Variants in UBE2R2 observed in about 807,000 individuals in gnomAD.
UBE2R2 encodes ubiquitin conjugating enzyme E2 R2.
Under a neutral mutation model 27.8 loss-of-function variants are expected in UBE2R2, and 1 was observed. That is an observed-to-expected ratio of 0.04 (90% CI 0.01 to 0.17). UBE2R2 has a LOEUF of 0.17. Among genes scored for constraint, UBE2R2 ranks in the 10% least tolerant of loss-of-function variants. The pLI is 1.00. For missense variants in UBE2R2, 100 were observed against 291.0 expected, an observed-to-expected ratio of 0.34 and a Z score of 4.78; for synonymous variants, 106 against 113.3, an observed-to-expected ratio of 0.94 and a Z score of 0.41.
At chr9:33,893,911 G>T (rs1440516639) in intron 2 of UBE2R2, among the ~76,000 whole-genome samples, 3 of 152,156 alleles carry the variant, frequency 2.0e-5, no homozygotes, top group African/African-American at 7.2e-5. Context: ...GATTACAGGT[G>T]TGAGCCACTG....
At position 33,917,164 on chromosome 9, in the gene UBE2R2, T is replaced by C; in HGVS notation, c.644T>C (p.Ile215Thr). Residue 215 changes from isoleucine to threonine, a missense_variant, in exon 5 of 5, where the codon ATT becomes ACT. By Grantham distance (89) the Ile-to-Thr change is moderately conservative. Coordinates refer to ENST00000263228, the MANE Select transcript of UBE2R2 (RefSeq NM_017811.4). ...LLYDDLYDDD[I>T]DDEDEEEEDA... ...TACGACGACTTGTATGATGACGACA[T>C]TGATGATGAAGATGAGGAGGAGGAA... 1 of 1,614,076 alleles carries C rather than the reference T, an allele frequency of 6.2e-7. No individual in the cohort carries two copies. Among genetic ancestry groups the C allele is most frequent in the Non-Finnish European group, 8.5e-7 (1 of 1,180,012 alleles).
chr9:33,834,281 A>G (rs1039432111), intron 1 of UBE2R2, among the ~76,000 whole-genome samples: 1 of 150,458 alleles, frequency 6.6e-6, no homozygotes, highest in South Asian at 2.1e-4. Context: ...GCTCACTGCA[A>G]CCTCCGTCTC....
intron 2 of UBE2R2, among the ~76,000 whole-genome samples, chr9:33,887,708 G>C (rs1431316801): frequency 1.3e-5 from 2 of 152,128 alleles, no homozygotes; most frequent in East Asian, 3.9e-4. Context: ...GTCTCGCTCT[G>C]TAGCCCAGGC....
chr9:33,859,799 T>TGTGTGTGAGAGA (rs766779268), intron 1 of UBE2R2, among the ~76,000 whole-genome samples: 3 of 86,586 alleles, frequency 3.5e-5, no homozygotes, highest in South Asian at 4.6e-4. Context: ...TGTGTGTGTG[T>TGTGTGTGAGAGA]GAGAGAGAGA....
upstream of UBE2R2, among the ~76,000 whole-genome samples, chr9:33,816,926 G>A (rs1282374730): frequency 1.3e-5 from 2 of 152,214 alleles, no homozygotes; most frequent in Admixed American, 6.5e-5. Flanking sequence ...CTGCTTCTGG[G>A]ATCTTTATGG....
At chr9:33,850,347 T>C (rs1820938230) in intron 1 of UBE2R2, among the ~76,000 whole-genome samples, 1 of 152,164 alleles carries the variant, frequency 6.6e-6, no homozygotes, top group Admixed American at 6.6e-5. Flanking sequence ...GTGTTTAAAG[T>C]GGCAGCAACT....
chr9:33,841,970 A>G lies in UBE2R2; in HGVS notation c.177+24036A>G, dbSNP rs149652487. On this transcript the variant is annotated intron_variant, in intron 1 of 4. Coordinates refer to ENST00000263228, the MANE Select transcript of UBE2R2 (RefSeq NM_017811.4). ...TCTATCTTGTCAGATTATTCATTACATGCAATATTCTCTTTCAACCTTAAT... is the reference window on the plus strand; with the variant it reads ...TCTATCTTGTCAGATTATTCATTACGTGCAATATTCTCTTTCAACCTTAAT... Among the ~76,000 whole-genome samples the G allele has an allele frequency of 2.4e-3, 363 of 152,312 alleles. 1 individual carries two copies. Among genetic ancestry groups the G allele is most frequent in the Non-Finnish European group, 3.1e-3 (214 of 68,030 alleles).
At chr9:33,874,522 A>G (rs1292358577) in intron 1 of UBE2R2, among the ~76,000 whole-genome samples, 3 of 152,096 alleles carry the variant, frequency 2.0e-5, no homozygotes, top group Admixed American at 2.0e-4. Flanking sequence ...AAATATATAC[A>G]TAATGCATAT....
intron 1 of UBE2R2, among the ~76,000 whole-genome samples, chr9:33,853,843 C>T (rs371868623): frequency 2.7e-5 from 4 of 147,062 alleles, no homozygotes; most frequent in Non-Finnish European, 5.9e-5. Context: ...TTGGCACGTG[C>T]CACCACACCT....
intron 4 of UBE2R2, among the ~76,000 whole-genome samples, chr9:33,915,351 C>T (rs1182139896): frequency 6.6e-6 from 1 of 152,156 alleles, no homozygotes; most frequent in Non-Finnish European, 1.5e-5. Context: ...CAGTCTACCT[C>T]TGCATATGGA....
chr9:33,822,134 C>G (rs891800774), intron 1 of UBE2R2, among the ~76,000 whole-genome samples: 1 of 150,866 alleles, frequency 6.6e-6, no homozygotes, highest in Non-Finnish European at 1.5e-5. Flanking sequence ...TCTTATTGCC[C>G]AGGCTGGAGT....
chr9:33,858,756 C>G (rs1821160694), intron 1 of UBE2R2, among the ~76,000 whole-genome samples: 1 of 152,128 alleles, frequency 6.6e-6, no homozygotes, highest in Non-Finnish European at 1.5e-5. Flanking sequence ...GCATTCTACT[C>G]TAGGACTATG....
chr9:33,893,621 T>A (rs1222042152), intron 2 of UBE2R2, among the ~76,000 whole-genome samples: 2 of 152,110 alleles, frequency 1.3e-5, no homozygotes, highest in South Asian at 2.1e-4. Context: ...ATTCTATGTT[T>A]AACTTTTTAT....
At chr9:33,859,997 A>G (rs958952303) in intron 1 of UBE2R2, among the ~76,000 whole-genome samples, 2 of 151,960 alleles carry the variant, frequency 1.3e-5, no homozygotes, top group Non-Finnish European at 2.9e-5. Flanking sequence ...TATAAAGACA[A>G]GGTCTCCCTG....
intron 1 of UBE2R2, among the ~76,000 whole-genome samples, chr9:33,874,348 A>G (rs776146628): frequency 1.3e-5 from 2 of 152,156 alleles, no homozygotes; most frequent in African/African-American, 4.8e-5. Flanking sequence ...AAGATTCACA[A>G]GTGAAAAATC....
Position 33,917,717 on chromosome 9 carries a change from A to AAAG in UBE2R2, c.*480_*481insAAG. 2 of 181,506 alleles carry AAAG rather than the reference A, an allele frequency of 1.1e-5. No homozygotes were observed. Among genetic ancestry groups the AAAG allele is most frequent in the Non-Finnish European group, 2.3e-5 (2 of 86,858 alleles). The allele number at this position is 181,506 out of a possible 1,614,324, so 11.2% of individuals were successfully genotyped here. A position where few individuals can be genotyped will look rare whatever the true frequency, so the allele number is the denominator to read the frequency against. ...AAACAAACTTTAAAAAAAAAAAAAA[A>AAAG]CAAATTTGCCAAGGTTTAGCTGCTC... On this transcript the variant is annotated 3_prime_UTR_variant, in exon 5 of 5. Transcript: ENST00000263228.
chr9:33,909,265 A>G (rs2130818650), intron 3 of UBE2R2, among the ~76,000 whole-genome samples: 1 of 152,102 alleles, frequency 6.6e-6, no homozygotes, highest in African/African-American at 2.4e-5. Flanking sequence ...GCAGGTGAAT[A>G]ACCTAAGGTC....
At chr9:33,853,108 T>C (rs183497897) in intron 1 of UBE2R2, among the ~76,000 whole-genome samples, 2 of 152,230 alleles carry the variant, frequency 1.3e-5, no homozygotes, top group African/African-American at 4.8e-5. Flanking sequence ...ACCATGTGGA[T>C]GATTTGTGTA....
intron 1 of UBE2R2, among the ~76,000 whole-genome samples, chr9:33,860,530 AT>A (rs1233151526): frequency 6.6e-6 from 1 of 152,014 alleles, no homozygotes; most frequent in Admixed American, 6.6e-5. Flanking sequence ...TCAGATTTTC[AT>A]TTTTTGTTTG....
Sources: allele counts gnomAD v4.1 joint callset (sites outside exome capture counted in the v4.1 genomes callset), GRCh38; gene constraint gnomAD v4.1.1; transcripts MANE v1.5; gene names NCBI Gene and HGNC (gene_info 2026-07-23, HGNC 2026-07-21).